PARN: variants seen among roughly 807,000 people sequenced by gnomAD.
PARN encodes poly(A)-specific ribonuclease.
Under a neutral mutation model 102.8 loss-of-function variants are expected in PARN, and 71 were observed. The observed-to-expected ratio is 0.69, with a 90% CI of 0.57 to 0.84. The LOEUF (loss-of-function observed/expected upper bound fraction) is 0.84. Among genes scored for constraint, PARN ranks in the 40% least tolerant of loss-of-function variants. The pLI is 0.00. For missense variants in PARN, 782 were observed against 760.9 expected (o/e 1.03, Z -0.33); for synonymous variants, 261 against 252.9 (o/e 1.03, Z -0.30).
At chr16:14,467,035 C>G (rs1304716903) in intron 22 of PARN, among the ~76,000 whole-genome samples, 1 of 152,184 alleles carries the variant, frequency 6.6e-6, no homozygotes, top group African/African-American at 2.4e-5. Context: ...CTTGTGCACC[C>G]CGCTTTTCCT....
Position 14,609,086 on chromosome 16 carries a change from T to C in PARN, c.592A>G (p.Lys198Glu). The C allele has an allele frequency of 1.3e-6, 2 of 1,575,108 alleles. No individual in the cohort carries two copies. Among genetic ancestry groups the C allele is most frequent in the South Asian group, 1.1e-5 (1 of 87,666 alleles). ...GTACATGGCTCTAAATCCAAGTTCTTGTTTTCTTCACTTTGTAATAAATCC... is the reference window on the plus strand; with the variant it reads ...GTACATGGCTCTAAATCCAAGTTCTCGTTTTCTTCACTTTGTAATAAATCC... ...IEDLLQSEEN[K>E]NLDLEPCTGF... Residue 198 changes from lysine to glutamate, a missense_variant, in exon 8 of 24, where the codon AAG (lysine) becomes GAG (glutamate). By Grantham distance (56) the Lys-to-Glu change is moderately conservative. Coordinates refer to ENST00000437198, the MANE Select transcript of PARN (RefSeq NM_002582.4).
chr16:14,456,968 C>T (rs1264198234), intron 22 of PARN, among the ~76,000 whole-genome samples: 4 of 152,266 alleles, frequency 2.6e-5, no homozygotes, highest in South Asian at 2.1e-4. Context: ...CTAGAATGTA[C>T]GTTCCATGAG....
intron 18 of PARN, among the ~76,000 whole-genome samples, chr16:14,572,310 C>T (rs1431114954): frequency 1.3e-5 from 2 of 151,968 alleles, no homozygotes; most frequent in Non-Finnish European, 2.9e-5. Context: ...TTGTTCTGTC[C>T]GTTACTGGCG....
At chr16:14,470,734 T>TC (rs1962688706) in intron 22 of PARN, among the ~76,000 whole-genome samples, 1 of 152,106 alleles carries the variant, frequency 6.6e-6, no homozygotes, top group South Asian at 2.1e-4. Context: ...GCTGGGATTA[T>TC]AGGCATGAGG....
chr16:14,507,186 C>T (rs568945524), intron 21 of PARN, among the ~76,000 whole-genome samples: 6 of 151,878 alleles, frequency 4.0e-5, no homozygotes, highest in Non-Finnish European at 8.8e-5. Context: ...ATTAGCTGGG[C>T]GTGGTGGTGC....
intron 22 of PARN, among the ~76,000 whole-genome samples, chr16:14,479,402 C>T (rs537586431): frequency 2.6e-5 from 4 of 151,348 alleles, no homozygotes; most frequent in Admixed American, 2.0e-4. Flanking sequence ...CCCTGGATGA[C>T]AGAGTGAGAC....
rs554927448 is a variant in PARN at position 14,610,470 on chromosome 16, CA to C, written c.554+173del. Among the ~76,000 whole-genome samples, 509 of 91,308 alleles carry C rather than the reference CA, an allele frequency of 5.6e-3. No individual in the cohort carries two copies. The highest frequency in any genetic ancestry group is 0.011 in the African/African-American group (227 of 20,866). The allele number at this position is 91,308 out of a possible 152,430, so 59.9% of individuals were successfully genotyped here. On this transcript the variant is annotated intron_variant, in intron 7 of 23. Transcript: ENST00000437198. ...CCTGGGCAAAAGAGCAAGACTGTCTCAAAAAAAAAAAAAAAAAAATTTTTTT... is the reference window on the plus strand; with the variant it reads ...CCTGGGCAAAAGAGCAAGACTGTCTCAAAAAAAAAAAAAAAAAATTTTTTT...
At chr16:14,593,089 T>A (rs1970292625) in intron 13 of PARN, among the ~76,000 whole-genome samples, 1 of 152,056 alleles carries the variant, frequency 6.6e-6, no homozygotes, top group Admixed American at 6.6e-5. Flanking sequence ...CAAGCCAAGA[T>A]TGCACCACTG....
chr16:14,627,445 A>G (rs1198593548), intron 3 of PARN, 109 bp from the exon 4 acceptor site: 2 of 712,730 alleles, frequency 2.8e-6, no homozygotes, highest in Non-Finnish European at 5.0e-6. Context: ...ACTTCAGCAG[A>G]ATACTTCCAA....
At chr16:14,457,771 C>G (rs1421491409) in intron 22 of PARN, among the ~76,000 whole-genome samples, 2 of 129,428 alleles carry the variant, frequency 1.5e-5, no homozygotes, top group Non-Finnish European at 3.1e-5. Flanking sequence ...GTACTCCAGC[C>G]TGGGGGACAC....
rs186335640 is a variant in PARN at position 14,606,520 on chromosome 16, C to T, written c.666G>A (p.Pro222=). The T allele has an allele frequency of 2.5e-5, 39 of 1,566,794 alleles. 1 individual carries two copies. Among genetic ancestry groups the T allele is most frequent in the South Asian group, 1.2e-4 (10 of 86,550 alleles). Residue 222 remains proline, a synonymous_variant, in exon 10 of 24, where the codon CCG becomes CCA. Coordinates refer to ENST00000437198, the MANE Select transcript of PARN (RefSeq NM_002582.4). ...LIYQTLSWKY[P]KGIHVETLET... ...CTAAAGTCTCAACATGAATGCCTTT[C>T]GGATACCTAAAGAAAAGAAAAACAT...
chr16:14,453,771 T>C (rs1471810568), intron 22 of PARN, among the ~76,000 whole-genome samples: 1 of 152,238 alleles, frequency 6.6e-6, no homozygotes, highest in Non-Finnish European at 1.5e-5. Context: ...GTATTAGTAC[T>C]TTATTTCATA....
In PARN at chr16:14,456,494, G is replaced by A. The variant is rs1395167853; in HGVS notation, c.1671-9413C>T. On this transcript the variant is annotated intron_variant, in intron 22 of 23. Transcript: ENST00000437198. ...TGGCCTACAGTAAGTCTTAAAGACA[G>A]GTAGAGCAAGTCCTTTAGTTGGCTG... 2.6e-5 allele frequency among the ~76,000 whole-genome samples: 4 copies of A among 152,106 alleles called. No individual in the cohort carries two copies. The East Asian group carries it at 7.7e-4, about 29-fold the overall frequency.
intron 23 of PARN, among the ~76,000 whole-genome samples, chr16:14,441,753 G>A (rs1394776575): frequency 2.6e-5 from 4 of 152,182 alleles, no homozygotes; most frequent in Non-Finnish European, 5.9e-5. Context: ...TAATTAAAAG[G>A]CTCCTTGGGA....
At chr16:14,567,820 G>C (rs770324203) in intron 18 of PARN, among the ~76,000 whole-genome samples, 7 of 152,250 alleles carry the variant, frequency 4.6e-5, no homozygotes. Context: ...AGCGTCAGAA[G>C]GCTCAACACA....
chr16:14,455,161 C>G (rs548907494), intron 22 of PARN, among the ~76,000 whole-genome samples: 160 of 152,174 alleles, frequency 1.1e-3, no homozygotes, highest in African/African-American at 3.6e-3. Context: ...AAAAATATTC[C>G]AAATGTAGAA....
At position 14,512,258 on chromosome 16, in the gene PARN, T is replaced by G. The variant is rs180677526; in HGVS notation, c.1481-29431A>C. 1.0e-3 allele frequency among the ~76,000 whole-genome samples: 157 copies of G among 152,230 alleles called. 2 individuals are homozygous for G. In the East Asian group the frequency reaches 0.016, roughly 16 times the overall value. On this transcript the variant is annotated intron_variant, in intron 21 of 23. Coordinates refer to ENST00000437198, the MANE Select transcript of PARN (RefSeq NM_002582.4). ...AGTTCACGCCTGTAATCCCAACATT[T>G]TGGGAGGCTGAGGCAGGCAGATTGC...
At chr16:14,541,737 A>G (rs1245355811) in intron 21 of PARN, among the ~76,000 whole-genome samples, 1 of 151,836 alleles carries the variant, frequency 6.6e-6, no homozygotes, top group Admixed American at 6.6e-5. Context: ...TCAGCCTCCC[A>G]AAGTGCTGGA....
intron 22 of PARN, among the ~76,000 whole-genome samples, chr16:14,461,060 C>G (rs1249562782): frequency 6.6e-6 from 1 of 152,182 alleles, no homozygotes; most frequent in Admixed American, 6.5e-5. Context: ...ACGGGTCTTC[C>G]ATCCAAAACC....
Sources: gnomAD v4.1 joint callset for allele counts (sites outside exome capture counted in the v4.1 genomes callset) on GRCh38, gnomAD v4.1.1 for gene constraint, MANE v1.5 for transcripts, NCBI Gene and HGNC (gene_info 2026-07-23, HGNC 2026-07-21) for gene names.